The following GUCY1A2 variants were observed in gnomAD, a reference collection of about 807,000 sequenced individuals.
GUCY1A2 encodes guanylate cyclase 1 soluble subunit alpha 2, also known as guanylate cyclase soluble subunit alpha-2.
A neutral mutation model predicts 63.5 loss-of-function variants in GUCY1A2; 27 were observed. The ratio of observed to expected loss-of-function variants is 0.43; its 90% CI spans 0.31 to 0.59. The LOEUF is 0.59. Ranked by LOEUF, GUCY1A2 falls within the 20% of genes least tolerant of loss-of-function variation. GUCY1A2 has a pLI of 0.11. For synonymous variants in GUCY1A2, 364 were observed against 343.5 expected, an observed-to-expected ratio of 1.06 and a Z score of -0.66; for missense variants, 768 against 913.3, an observed-to-expected ratio of 0.84 and a Z score of 2.05.
intron 4 of GUCY1A2, among the ~76,000 whole-genome samples, chr11:106,853,684 T>C (rs1859387154): frequency 6.6e-6 from 1 of 152,202 alleles, no homozygotes; most frequent in South Asian, 2.1e-4. Context: ...AAAAAGTATG[T>C]TCCTTTGTAA....
intron 3 of GUCY1A2, among the ~76,000 whole-genome samples, chr11:106,947,311 G>A (rs1455588): frequency 0.37 from 55,307 of 151,306 alleles, 10,941 homozygotes; most frequent in Non-Finnish European, 0.45. Flanking sequence ...GCTATGTAAC[G>A]AATAGATCAG....
intron 4 of GUCY1A2, among the ~76,000 whole-genome samples, chr11:106,899,238 T>C (rs1193046075): frequency 6.6e-6 from 1 of 152,158 alleles, no homozygotes; most frequent in Admixed American, 6.5e-5. Flanking sequence ...CGATAGTGAA[T>C]GATGGCAAGG....
intron 4 of GUCY1A2, among the ~76,000 whole-genome samples, chr11:106,813,146 T>TTACATATA (rs1387949691): frequency 3.3e-5 from 5 of 152,016 alleles, no homozygotes; most frequent in Admixed American, 1.3e-4. Context: ...AACATCTATC[T>TTACATATA]AAGGTTTTAT....
chr11:106,753,461 T>G (rs1211616708), intron 6 of GUCY1A2, among the ~76,000 whole-genome samples: 2 of 152,210 alleles, frequency 1.3e-5, no homozygotes, highest in Non-Finnish European at 2.9e-5. Flanking sequence ...CTGAATGGTA[T>G]TGCCTAGGTT....
At chr11:106,976,733 CTT>C (rs903039778) in intron 3 of GUCY1A2, among the ~76,000 whole-genome samples, 1 of 152,024 alleles carries the variant, frequency 6.6e-6, no homozygotes, top group African/African-American at 2.4e-5. Flanking sequence ...CCTAGTATCT[CTT>C]TTGTAGAAAA....
At chr11:106,758,238 C>A (rs935911908) in intron 6 of GUCY1A2, among the ~76,000 whole-genome samples, 1 of 152,228 alleles carries the variant, frequency 6.6e-6, no homozygotes, top group African/African-American at 2.4e-5. Flanking sequence ...GCTGCACTAG[C>A]AGTGAGAATT....
chr11:106,962,962 T>TTATCTTC (rs1437963196), intron 3 of GUCY1A2, among the ~76,000 whole-genome samples: 2 of 152,082 alleles, frequency 1.3e-5, no homozygotes, highest in African/African-American at 4.8e-5. Context: ...TACAGCTATA[T>TTATCTTC]TATCTTCTAA....
At chr11:106,905,297 TAGTC>T (rs1285621113) in intron 4 of GUCY1A2, among the ~76,000 whole-genome samples, 1 of 152,120 alleles carries the variant, frequency 6.6e-6, no homozygotes, top group East Asian at 1.9e-4. Flanking sequence ...GACAGTGTCT[TAGTC>T]AGATAAAGCT....
At chr11:106,850,451 C>T (rs1232825972) in intron 4 of GUCY1A2, among the ~76,000 whole-genome samples, 1 of 151,902 alleles carries the variant, frequency 6.6e-6, no homozygotes, top group Admixed American at 6.6e-5. Context: ...ACCCATTCCA[C>T]CTATCTAGCT....
At chr11:106,754,150 T>G (rs112118386) in intron 6 of GUCY1A2, among the ~76,000 whole-genome samples, 14 of 151,904 alleles carry the variant, frequency 9.2e-5, no homozygotes, top group African/African-American at 3.2e-4. Flanking sequence ...GATTTGGCTC[T>G]CTGTTTGTCT....
intron 1 of GUCY1A2, among the ~76,000 whole-genome samples, chr11:106,989,670 T>A (rs527503642): frequency 1.3e-5 from 2 of 152,254 alleles, no homozygotes; most frequent in Non-Finnish European, 2.9e-5. Flanking sequence ...TCAATAAAGC[T>A]ACCGATACTT....
intron 6 of GUCY1A2, among the ~76,000 whole-genome samples, chr11:106,743,121 C>T (rs1863725536): frequency 6.6e-6 from 1 of 151,968 alleles, no homozygotes; most frequent in Non-Finnish European, 1.5e-5. Flanking sequence ...TTTTTGAATC[C>T]TGCTCCATCT....
intron 5 of GUCY1A2, among the ~76,000 whole-genome samples, chr11:106,797,057 T>C (rs1244964994): frequency 6.6e-6 from 1 of 152,186 alleles, no homozygotes; most frequent in African/African-American, 2.4e-5. Flanking sequence ...TTTCTTCCAG[T>C]TGATCAAATT....
At chr11:106,957,170 A>G (rs908489311) in intron 3 of GUCY1A2, among the ~76,000 whole-genome samples, 1 of 152,188 alleles carries the variant, frequency 6.6e-6, no homozygotes, top group Non-Finnish European at 1.5e-5. Flanking sequence ...CTGGAGCTAT[A>G]GAAATGGGTG....
intron 6 of GUCY1A2, among the ~76,000 whole-genome samples, chr11:106,775,274 A>C (rs906837031): frequency 5.9e-5 from 9 of 152,282 alleles, no homozygotes; most frequent in Admixed American, 3.3e-4. Context: ...AAAACATTAA[A>C]ATTAAACCTT....
intron 2 of GUCY1A2, among the ~76,000 whole-genome samples, chr11:106,980,714 T>C (rs527965657): frequency 4.1e-4 from 63 of 152,322 alleles, no homozygotes; most frequent in African/African-American, 1.3e-3. Flanking sequence ...TATCCTAGCA[T>C]GCTTGATGTG....
intron 4 of GUCY1A2, among the ~76,000 whole-genome samples, chr11:106,913,476 C>T (rs1280003399): frequency 6.6e-6 from 1 of 152,076 alleles, no homozygotes; most frequent in Admixed American, 6.6e-5. Context: ...AGTGAGAACT[C>T]ACTCATCACC....
At chr11:106,995,844 C>G (rs1232235267) in intron 1 of GUCY1A2, among the ~76,000 whole-genome samples, 1 of 152,176 alleles carries the variant, frequency 6.6e-6, no homozygotes, top group Non-Finnish European at 1.5e-5. Flanking sequence ...CATAGGTACC[C>G]TACTGGATAG....
At position 106,708,685 on chromosome 11, in the gene GUCY1A2, G is replaced by A; in HGVS notation, c.1837-19C>T. On this transcript the variant is annotated intron_variant, in intron 6 of 7. Transcript: ENST00000526355. Reference sequence around the variant, plus strand: ...TCCTCATCTAAAGAAGAATGAAAGAGGAAAAGGAACATATTTGTTTCCATT... The same window carrying A: ...TCCTCATCTAAAGAAGAATGAAAGAAGAAAAGGAACATATTTGTTTCCATT... 1 of 1,530,346 alleles carries A rather than the reference G, an allele frequency of 6.5e-7. No individual in the cohort carries two copies. The highest frequency in any genetic ancestry group is 8.9e-7 in the Non-Finnish European group (1 of 1,128,940). The allele number at this position is 1,530,346 out of a possible 1,614,324, so 94.8% of individuals were successfully genotyped here.
Sources: allele counts gnomAD v4.1 joint callset (sites outside exome capture counted in the v4.1 genomes callset), GRCh38; gene constraint gnomAD v4.1.1; transcripts MANE v1.5; gene names NCBI Gene and HGNC (gene_info 2026-07-23, HGNC 2026-07-21).